Variants in WDPCP observed in about 807,000 individuals in gnomAD.
The protein encoded by WDPCP is WD repeat containing planar cell polarity effector, also known as WD repeat-containing and planar cell polarity effector protein fritz homolog.
A neutral mutation model predicts 93.1 loss-of-function variants in WDPCP; 71 were observed. The ratio of observed to expected loss-of-function variants is 0.76; its 90% CI spans 0.63 to 0.93. The LOEUF is 0.93. Ranked by LOEUF, WDPCP falls within the 40% of genes least tolerant of loss-of-function variation. The pLI, the probability that WDPCP is intolerant of heterozygous loss-of-function variation, is 0.00. For synonymous variants in WDPCP, 315 were observed against 315.0 expected (o/e 1.00, Z 0.00); for missense variants, 844 against 887.4 (o/e 0.95, Z 0.62).
chr2:63,342,278 C>T (rs1395500707), intron 12 of WDPCP, among the ~76,000 whole-genome samples: 2 of 152,150 alleles, frequency 1.3e-5, no homozygotes, highest in Non-Finnish European at 2.9e-5. Context: ...ATTGGGGACC[C>T]TAACCAGGTC....
intron 2 of WDPCP, among the ~76,000 whole-genome samples, chr2:63,702,909 C>T (rs1224575869): frequency 6.6e-6 from 1 of 151,152 alleles, no homozygotes; most frequent in East Asian, 2.0e-4. Flanking sequence ...GTGTGATGTT[C>T]CCTTTCCTGT....
At chr2:63,366,525 TC>T (rs1205776800) in intron 12 of WDPCP, among the ~76,000 whole-genome samples, 10 of 7,930 alleles carry the variant, frequency 1.3e-3, no homozygotes, top group Non-Finnish European at 1.3e-3. Flanking sequence ...GCCCTTATTA[TC>T]TATCTATCTT....
intron 14 of WDPCP, among the ~76,000 whole-genome samples, chr2:63,250,412 G>T (rs1470437252): frequency 6.6e-6 from 1 of 152,116 alleles, no homozygotes; most frequent in African/African-American, 2.4e-5. Flanking sequence ...GTGGTTGACT[G>T]CAGGTAATTG....
At position 63,603,322 on chromosome 2, in the gene WDPCP, A is replaced by T. The variant is rs563440794; in HGVS notation, n.488+47337T>A. On this transcript the variant is annotated intron_variant and non_coding_transcript_variant, in intron 3 of 4. Transcript: ENST00000467687. ...GGAGCTGTTATTACCCTTATTTTAA[A>T]ATTTTCCTTAAAATATCAAAGTGTA... Among the ~76,000 whole-genome samples, 3 of 152,250 alleles carry T rather than the reference A, an allele frequency of 2.0e-5. No individual in the cohort carries two copies. In the South Asian group the frequency reaches 6.2e-4, roughly 32 times the overall value.
At chr2:63,467,613 C>T (rs1349825238) in intron 6 of WDPCP, among the ~76,000 whole-genome samples, 6 of 151,812 alleles carry the variant, frequency 4.0e-5, no homozygotes, top group African/African-American at 1.5e-4. Flanking sequence ...CCCATCTCTA[C>T]TAAAAATAAA....
At chr2:63,632,618 G>A (rs1016913562) in intron 3 of WDPCP, among the ~76,000 whole-genome samples, 1 of 152,160 alleles carries the variant, frequency 6.6e-6, no homozygotes, top group African/African-American at 2.4e-5. Context: ...ACTTGAACAA[G>A]TGGAGGGGAA....
intron 1 of WDPCP, among the ~76,000 whole-genome samples, chr2:63,548,131 C>T (rs1359132129): frequency 1.3e-5 from 2 of 151,458 alleles, no homozygotes; most frequent in Non-Finnish European, 2.9e-5. Flanking sequence ...GAAGCAATCC[C>T]AAATTTTTTT....
chr2:63,819,068 A>G (rs545427366), intron 1 of WDPCP, among the ~76,000 whole-genome samples: 3 of 152,212 alleles, frequency 2.0e-5, no homozygotes, highest in African/African-American at 2.4e-5. Flanking sequence ...TCCATATATC[A>G]CAGTTTAAAT....
intron 14 of WDPCP, chr2:63,228,610 G>A (rs1431864265): frequency 6.6e-6 from 1 of 151,466 alleles, no homozygotes; most frequent in Non-Finnish European, 1.5e-5. Flanking sequence ...AGTCCCCGGT[G>A]TGTGATGTTC....
At chr2:63,578,175 C>T (rs1202913284) in intron 1 of WDPCP, among the ~76,000 whole-genome samples, 1 of 152,140 alleles carries the variant, frequency 6.6e-6, no homozygotes, top group African/African-American at 2.4e-5. Context: ...GGTTTCATAA[C>T]AATTTTAGTG....
intron 12 of WDPCP, among the ~76,000 whole-genome samples, chr2:63,326,951 T>C (rs963286214): frequency 1.3e-5 from 2 of 152,196 alleles, no homozygotes; most frequent in African/African-American, 4.8e-5. Context: ...GTTGTCAGTG[T>C]GAACAAGGGT....
At chr2:63,695,354 G>C (rs1668949093) in intron 2 of WDPCP, among the ~76,000 whole-genome samples, 1 of 152,068 alleles carries the variant, frequency 6.6e-6, no homozygotes, top group African/African-American at 2.4e-5. Flanking sequence ...GACTTATTTA[G>C]AAGATTTAAG....
intron 12 of WDPCP, chr2:63,378,130 T>C (rs1692005590): frequency 2.1e-6 from 1 of 467,164 alleles, no homozygotes; most frequent in Admixed American, 3.4e-5. Flanking sequence ...CTACATTGAC[T>C]TTACATAGCT....
At chr2:63,785,479 TA>T (rs1234143744) in intron 2 of WDPCP, among the ~76,000 whole-genome samples, 1 of 152,176 alleles carries the variant, frequency 6.6e-6, no homozygotes, top group East Asian at 1.9e-4. Context: ...AATATTATAT[TA>T]TATACATTTA....
intron 9 of WDPCP, among the ~76,000 whole-genome samples, chr2:63,422,917 A>G (rs1024483899): frequency 1.3e-5 from 2 of 152,252 alleles, no homozygotes; most frequent in Admixed American, 6.5e-5. Context: ...ATTAAAAGAG[A>G]TTTAAGATAT....
intron 9 of WDPCP, among the ~76,000 whole-genome samples, chr2:63,424,954 T>A (rs1000217997): frequency 6.6e-6 from 1 of 152,186 alleles, no homozygotes; most frequent in African/African-American, 2.4e-5. Context: ...ATGCTGCGAA[T>A]GTGCTGAAAT....
chr2:63,470,363 A>G (rs2105814439), intron 6 of WDPCP, among the ~76,000 whole-genome samples: 1 of 152,336 alleles, frequency 6.6e-6, no homozygotes, highest in Non-Finnish European at 1.5e-5. Flanking sequence ...CATGTCCAAA[A>G]TTGAACTTCT....
intron 3 of WDPCP, among the ~76,000 whole-genome samples, chr2:63,617,963 G>C (rs2106633828): frequency 6.6e-6 from 1 of 152,164 alleles, no homozygotes; most frequent in South Asian, 2.1e-4. Flanking sequence ...TTTTAGGCAA[G>C]ACAACATGAA....
At chr2:63,168,966 A>C (rs1359476596) in intron 15 of WDPCP, 1 of 152,096 alleles carries the variant, frequency 6.6e-6, no homozygotes, top group Non-Finnish European at 1.5e-5. Context: ...TTAACCTTTT[A>C]TTATGTGGCA....
Sources: allele counts gnomAD v4.1 joint callset (sites outside exome capture counted in the v4.1 genomes callset), GRCh38; gene constraint gnomAD v4.1.1; transcripts MANE v1.5; gene names NCBI Gene and HGNC (gene_info 2026-07-23, HGNC 2026-07-21).